The following ESRRB variants were observed in gnomAD, a reference collection of about 807,000 sequenced individuals.
ESRRB encodes estrogen related receptor beta.
In ESRRB, 16 loss-of-function variants were observed where a neutral mutation model predicts 46.0. That is an observed-to-expected ratio of 0.35 (90% CI 0.24 to 0.53). ESRRB has a LOEUF of 0.53. Ranked by LOEUF, ESRRB falls within the 20% of genes least tolerant of loss-of-function variation. The pLI is 0.93. For missense variants in ESRRB, 488 were observed against 607.4 expected, an observed-to-expected ratio of 0.80 and a Z score of 2.07; for synonymous variants, 246 against 259.6, an observed-to-expected ratio of 0.95 and a Z score of 0.50.
At chr14:76,335,676 G>A (rs1042342665) in intron 1 of ESRRB, among the ~76,000 whole-genome samples, 1 of 152,148 alleles carries the variant, frequency 6.6e-6, no homozygotes, top group Non-Finnish European at 1.5e-5. Flanking sequence ...TGGGTTCTAA[G>A]TTGGCGAATT....
intron 1 of ESRRB, among the ~76,000 whole-genome samples, chr14:76,362,664 G>A (rs2139773040): frequency 6.6e-6 from 1 of 152,290 alleles, no homozygotes; most frequent in East Asian, 1.9e-4. Context: ...TTATTCATTT[G>A]ATTCCTTTAG....
At chr14:76,404,621 G>T (rs1041866383) in intron 1 of ESRRB, among the ~76,000 whole-genome samples, 1 of 152,110 alleles carries the variant, frequency 6.6e-6, no homozygotes, top group African/African-American at 2.4e-5. Flanking sequence ...TTCCTTTATT[G>T]TTTCTGCCTC....
intron 1 of ESRRB, among the ~76,000 whole-genome samples, chr14:76,438,699 T>C (rs188233286): frequency 1.3e-5 from 2 of 152,210 alleles, no homozygotes; most frequent in East Asian, 3.9e-4. Context: ...TTGTGTATTA[T>C]TGTTATGCAG....
chr14:76,378,875 A>G (rs1485130628), intron 1 of ESRRB, among the ~76,000 whole-genome samples: 1 of 152,140 alleles, frequency 6.6e-6, no homozygotes, highest in Non-Finnish European at 1.5e-5. Flanking sequence ...AGTAGGACAA[A>G]GCCATTCATT....
chr14:76,381,941 T>G (rs1885031482), intron 1 of ESRRB, among the ~76,000 whole-genome samples: 4 of 152,160 alleles, frequency 2.6e-5, no homozygotes, highest in Admixed American at 2.6e-4. Context: ...ATGAGTGTAC[T>G]TGTATTTGCC....
intron 3 of ESRRB, among the ~76,000 whole-genome samples, chr14:76,469,892 T>C (rs1446770099): frequency 6.7e-6 from 1 of 150,204 alleles, no homozygotes; most frequent in Non-Finnish European, 1.5e-5. Context: ...ACTTATAATA[T>C]AGTACATTAG....
chr14:76,404,002 A>G (rs994474845), intron 1 of ESRRB, among the ~76,000 whole-genome samples: 2 of 152,194 alleles, frequency 1.3e-5, no homozygotes, highest in African/African-American at 2.4e-5. Context: ...TACAGGCGTG[A>G]GCCACCATGC....
chr14:76,441,718 A>G (rs748287523), intron 2 of ESRRB, among the ~76,000 whole-genome samples: 35 of 152,208 alleles, frequency 2.3e-4, no homozygotes, highest in Non-Finnish European at 4.8e-4. Context: ...GCCAGGCTGT[A>G]GGTGCTGGTG....
intron 1 of ESRRB, among the ~76,000 whole-genome samples, chr14:76,362,315 C>T (rs918486069): frequency 6.6e-6 from 1 of 152,202 alleles, no homozygotes; most frequent in Non-Finnish European, 1.5e-5. Context: ...AGCAAGGATT[C>T]GAGCTTGGGT....
At chr14:76,472,657 T>C (rs1186426309) in intron 3 of ESRRB, among the ~76,000 whole-genome samples, 3 of 152,092 alleles carry the variant, frequency 2.0e-5, no homozygotes, top group Non-Finnish European at 4.4e-5. Flanking sequence ...TATACAAGGG[T>C]TGTGGCTGAG....
At chr14:76,463,415 T>C (rs1285705774) in intron 3 of ESRRB, 1 of 151,480 alleles carries the variant, frequency 6.6e-6, no homozygotes, top group Non-Finnish European at 1.5e-5. Flanking sequence ...AAATAAAACA[T>C]ATTGTGAAAT....
At chr14:76,373,346 C>T (rs1884668589), upstream of ESRRB, among the ~76,000 whole-genome samples, 1 of 152,030 alleles carries the variant, frequency 6.6e-6, no homozygotes, top group African/African-American at 2.4e-5. Context: ...CACTCCACCC[C>T]TGTACAGCCT....
In ESRRB at chr14:76,376,685, G is replaced by C. The variant is rs554771413; in HGVS notation, c.50+234G>C. ...TTTACAAATCCACACTTTCAGGCAA[G>C]AGTGGCGCTTTCTCATGCACTTTCT... On this transcript the variant is annotated intron_variant, in intron 1 of 6. Transcript: ENST00000644823. The surrounding 1 kb of genome is among the most constrained non-coding windows in gnomAD (Gnocchi z 4.1). Among the ~76,000 whole-genome samples the C allele has an allele frequency of 6.6e-6, 1 of 152,176 alleles. No homozygotes were observed. Among genetic ancestry groups the C allele is most frequent in the Non-Finnish European group, 1.5e-5 (1 of 68,040 alleles).
intron 2 of ESRRB, among the ~76,000 whole-genome samples, chr14:76,459,891 C>T (rs76713370): frequency 2.0e-5 from 3 of 151,754 alleles, no homozygotes; most frequent in Non-Finnish European, 2.9e-5. Flanking sequence ...GGACTTGAGA[C>T]AGGGAGAGAG....
In ESRRB at chr14:76,499,749, G is replaced by T; in HGVS notation, c.*1291G>T. Reference sequence around the variant, plus strand: ...TGTCCAGGACGTTTCTTTATCCCAGGAAACTCCTCTACCCCAGGCACACGG... The same window carrying T: ...TGTCCAGGACGTTTCTTTATCCCAGTAAACTCCTCTACCCCAGGCACACGG... On this transcript the variant is annotated 3_prime_UTR_variant, in exon 7 of 7. Transcript: ENST00000644823. 1.1e-6 allele frequency: 1 copy of T among 916,370 alleles called. No individual in the cohort carries two copies. Among genetic ancestry groups the T allele is most frequent in the Non-Finnish European group, 1.8e-6 (1 of 551,136 alleles). The allele number at this position is 916,370 out of a possible 1,614,324, so 56.8% of individuals were successfully genotyped here.
intron 1 of ESRRB, among the ~76,000 whole-genome samples, chr14:76,405,348 G>A (rs1886135745): frequency 6.6e-6 from 1 of 152,080 alleles, no homozygotes; most frequent in Non-Finnish European, 1.5e-5. Context: ...CTGCCCTCTA[G>A]CAATACGCCT....
intron 3 of ESRRB, among the ~76,000 whole-genome samples, chr14:76,464,926 G>A (rs755154344): frequency 3.9e-5 from 6 of 152,030 alleles, no homozygotes; most frequent in Non-Finnish European, 7.4e-5. Flanking sequence ...GGGTTTCTAA[G>A]CTTTGGAGAC....
At chr14:76,462,759 C>G in intron 3 of ESRRB, 98 bp downstream of exon 3, 1 of 931,020 alleles carries the variant, frequency 1.1e-6, no homozygotes, top group East Asian at 2.4e-5. Context: ...ACCTGTGTCC[C>G]AGGGTGAGAC....
In ESRRB at chr14:76,499,564, C is replaced by T. The variant is rs1181349852; in HGVS notation, c.*1106C>T. 3 of 483,826 alleles carry T rather than the reference C, an allele frequency of 6.2e-6. No individual in the cohort carries two copies. Among genetic ancestry groups the T allele is most frequent in the East Asian group, 4.0e-5 (1 of 25,042 alleles). The allele number at this position is 483,826 out of a possible 1,614,324, so 30.0% of individuals were successfully genotyped here. A position where few individuals can be genotyped will look rare whatever the true frequency, so the allele number is the denominator to read the frequency against. ...CCCTTCCCTGCACTCAGCATCATGC[C>T]ACAGGGCTAGTGTACCAGTGCCACA... is the stretch of plus-strand genomic sequence containing the variant. On this transcript the variant is annotated 3_prime_UTR_variant, in exon 7 of 7. Transcript: ENST00000644823.
Sources: allele counts gnomAD v4.1 joint callset (sites outside exome capture counted in the v4.1 genomes callset), GRCh38; gene constraint gnomAD v4.1.1; non-coding constraint Gnocchi (gnomAD v3.1); transcripts MANE v1.5; gene names NCBI Gene and HGNC (gene_info 2026-07-23, HGNC 2026-07-21).